The following TMCC3 variants were observed in gnomAD, a reference collection of about 807,000 sequenced individuals.
The protein encoded by TMCC3 is transmembrane and coiled-coil domain protein 3.
In TMCC3, 28 loss-of-function variants were observed where a neutral mutation model predicts 40.2. That is an observed-to-expected ratio of 0.70 (90% confidence interval 0.52 to 0.95). The LOEUF is 0.95. Ranked by LOEUF, TMCC3 falls within the 40% of genes least tolerant of loss-of-function variation. TMCC3 has a pLI of 0.00. For missense variants in TMCC3, 554 were observed against 615.2 expected (o/e 0.90, Z 1.05); for synonymous variants, 255 against 248.5 (o/e 1.03, Z -0.25).
intron 1 of TMCC3, among the ~76,000 whole-genome samples, chr12:94,640,791 T>C (rs1303201961): frequency 1.3e-5 from 2 of 152,146 alleles, no homozygotes; most frequent in Non-Finnish European, 2.9e-5. Flanking sequence ...GACGTTCAAG[T>C]TTCACTCCAG....
rs2138808289 is a variant in TMCC3 at position 94,567,912 on chromosome 12, C to T, written c.*3523G>A. 6.6e-6 allele frequency: 1 copy of T among 152,278 alleles called. No homozygotes were observed. The highest frequency in any genetic ancestry group is 1.5e-5 in the Non-Finnish European group (1 of 68,026). The allele number at this position is 152,278 out of a possible 1,614,324, so 9.4% of individuals were successfully genotyped here. On this transcript the variant is annotated 3_prime_UTR_variant, in exon 4 of 4. Coordinates refer to ENST00000261226, the MANE Select transcript of TMCC3 (RefSeq NM_020698.4). The stretch of plus-strand genomic sequence containing the variant: ...AAAAAAGACAAAAGTAATTAGTTGC[C>T]TGAGGGAAGCTAGTTCCTCATTATT...
At chr12:94,591,123 G>A (rs1302509767) in intron 1 of TMCC3, 16 of 448,454 alleles carry the variant, frequency 3.6e-5, no homozygotes, top group African/African-American at 2.6e-4. Flanking sequence ...TTGACAGCTG[G>A]ATGAAACAAT....
rs1343044505 is a variant in TMCC3 at position 94,621,636 on chromosome 12, G to C, written c.78+28717C>G. 2.0e-5 allele frequency among the ~76,000 whole-genome samples: 3 copies of C among 152,134 alleles called. No homozygotes were observed. In the East Asian group the frequency reaches 5.8e-4, roughly 29 times the overall value. On this transcript the variant is annotated intron_variant, in intron 1 of 3. Transcript: ENST00000261226. ...AGGAAAGTTAGGAAACACCAATTTAGGTCAAACTCATTTTAAGATAAGGAA... is the reference window on the plus strand; with the variant it reads ...AGGAAAGTTAGGAAACACCAATTTACGTCAAACTCATTTTAAGATAAGGAA...
chr12:94,618,696 G>C (rs10859737), intron 1 of TMCC3, among the ~76,000 whole-genome samples: 50,901 of 152,048 alleles, frequency 0.33, 9,146 homozygotes, highest in Admixed American at 0.44. Flanking sequence ...GTCTGAACCT[G>C]AGGTTCTTGA....
At chr12:94,633,881 A>G in intron 1 of TMCC3, among the ~76,000 whole-genome samples, 1 of 152,048 alleles carries the variant, frequency 6.6e-6, no homozygotes, top group East Asian at 1.9e-4. Flanking sequence ...CATTAACATA[A>G]TCTTTGTATT....
intron 1 of TMCC3, among the ~76,000 whole-genome samples, chr12:94,644,883 A>G (rs2069009725): frequency 6.6e-6 from 1 of 152,222 alleles, no homozygotes; most frequent in Admixed American, 6.5e-5. Flanking sequence ...GTCATTACTC[A>G]TCATGTAATT....
chr12:94,599,958 G>A (rs1441974578), intron 1 of TMCC3, among the ~76,000 whole-genome samples: 3 of 152,176 alleles, frequency 2.0e-5, no homozygotes, highest in Non-Finnish European at 4.4e-5. Context: ...AGGAAGCTGA[G>A]CCAGGAGGAT....
At chr12:94,581,452 C>T (rs2068600410) in intron 2 of TMCC3, among the ~76,000 whole-genome samples, 170 bp downstream of exon 2, 1 of 152,056 alleles carries the variant, frequency 6.6e-6, no homozygotes, top group Non-Finnish European at 1.5e-5. Context: ...TTATTTCAAG[C>T]AATCTCTCTG....
In TMCC3 at chr12:94,604,380, T is replaced by C. The variant is rs529213060; in HGVS notation, c.79-21842A>G. Reference sequence around the variant, plus strand: ...AAACCAAGCCCCCTAAAATACAGAATTGCTACTTGAAAATGTTTTTCTGGG... The same window carrying C: ...AAACCAAGCCCCCTAAAATACAGAACTGCTACTTGAAAATGTTTTTCTGGG... On this transcript the variant is annotated intron_variant, in intron 1 of 3. Transcript: ENST00000261226. Among the ~76,000 whole-genome samples the C allele has an allele frequency of 3.9e-5, 6 of 152,250 alleles. No homozygotes were observed. The South Asian group carries it at 1.2e-3, about 32-fold the overall frequency.
intron 3 of TMCC3, among the ~76,000 whole-genome samples, chr12:94,578,175 G>GAAAAAAA (rs1387271661): frequency 8.2e-6 from 1 of 122,064 alleles, no homozygotes; most frequent in African/African-American, 3.2e-5. Context: ...AAAAGAAAAA[G>GAAAAAAA]AAAAAGAAAA....
rs764005646 is a variant in TMCC3, at chr12:94,582,288, C to T, written c.329G>A (p.Arg110His). Residue 110 changes from arginine to histidine, a missense_variant, in exon 2 of 4, where the codon CGT (arginine) becomes CAT (histidine). Transcript: ENST00000261226. ...VNNADKQQAG[R>H]IKQVFEKKNQ... ...CTTCTTCTCAAAGACTTGCTTGATA[C>T]GTCCCGCCTGCTGCTTGTCTGCGTT... 1.4e-5 allele frequency: 23 copies of T among 1,613,934 alleles called. No homozygotes were observed. The East Asian group carries it at 3.1e-4, about 22-fold the overall frequency.
At chr12:94,574,931 CA>C (rs1356942898) in intron 3 of TMCC3, among the ~76,000 whole-genome samples, 2 of 151,868 alleles carry the variant, frequency 1.3e-5, no homozygotes, top group African/African-American at 4.8e-5. Flanking sequence ...TTTTTTTAAC[CA>C]AAAGAAAAAT....
At chr12:94,574,154 G>A (rs370283790) in intron 3 of TMCC3, among the ~76,000 whole-genome samples, 10 of 152,086 alleles carry the variant, frequency 6.6e-5, no homozygotes, top group Admixed American at 1.3e-4. Flanking sequence ...AGGCCGAGGC[G>A]GGTGGATCAC....
chr12:94,633,150 A>G (rs748289473), intron 1 of TMCC3, among the ~76,000 whole-genome samples: 23 of 152,224 alleles, frequency 1.5e-4, no homozygotes, highest in Non-Finnish European at 2.8e-4. Flanking sequence ...TTGTATTTAC[A>G]AGAGATGCCA....
chr12:94,605,979 A>G (rs960655071), intron 1 of TMCC3, among the ~76,000 whole-genome samples: 3 of 150,188 alleles, frequency 2.0e-5, no homozygotes, highest in African/African-American at 7.4e-5. Context: ...TTATATGTGG[A>G]AAAAAAAAAT....
chr12:94,615,844 A>G (rs2068844796), intron 1 of TMCC3: 1 of 814,470 alleles, frequency 1.2e-6, no homozygotes, highest in Non-Finnish European at 1.5e-6. Flanking sequence ...GGCATCTCCC[A>G]GGATATTAAA....
chr12:94,629,442 G>C (rs2068920770), intron 1 of TMCC3, among the ~76,000 whole-genome samples: 1 of 152,216 alleles, frequency 6.6e-6, no homozygotes, highest in South Asian at 2.1e-4. Flanking sequence ...CTGTGGGTCT[G>C]TCCTCCCCAG....
intron 1 of TMCC3, chr12:94,598,457 C>T (rs781564095): frequency 2.8e-6 from 1 of 358,162 alleles, no homozygotes; most frequent in Non-Finnish European, 3.9e-6. Context: ...CTTGGTGCCA[C>T]GAGGCAATTA....
intron 1 of TMCC3, among the ~76,000 whole-genome samples, chr12:94,647,546 C>T (rs1227973390): frequency 6.6e-6 from 1 of 152,192 alleles, no homozygotes; most frequent in Non-Finnish European, 1.5e-5. Flanking sequence ...CGACTCTTCC[C>T]ATGACCCCCT....
Sources: allele counts gnomAD v4.1 joint callset (sites outside exome capture counted in the v4.1 genomes callset), GRCh38; gene constraint gnomAD v4.1.1; transcripts MANE v1.5; gene names NCBI Gene and HGNC (gene_info 2026-07-23, HGNC 2026-07-21).